The following TOGARAM2 variants were observed in gnomAD, a reference collection of about 807,000 sequenced individuals.
The protein encoded by TOGARAM2 is TOG array regulator of axonemal microtubules protein 2.
In TOGARAM2, 85 loss-of-function variants were observed where a neutral mutation model predicts 93.3. The ratio of observed to expected loss-of-function variants is 0.91; its 90% CI spans 0.76 to 1.09. TOGARAM2 has a LOEUF of 1.09. Among genes scored for constraint, TOGARAM2 ranks in the 50% least tolerant of loss-of-function variants. The probability of loss-of-function intolerance (pLI) is 0.00; values close to 1 mark genes in which losing one functional copy is unlikely to be tolerated. For synonymous variants in TOGARAM2, 593 were observed against 552.8 expected (o/e 1.07, Z -1.02); for missense variants, 1,277 against 1,334.5 (o/e 0.96, Z 0.67).
At chr2:29,029,410 G>A (rs983781226) in intron 14 of TOGARAM2, among the ~76,000 whole-genome samples, 3 of 152,272 alleles carry the variant, frequency 2.0e-5, no homozygotes, top group South Asian at 2.1e-4. Flanking sequence ...ACCAAACATC[G>A]TATGTTGTCA....
chr2:28,979,432 A>T (rs777355910), upstream of TOGARAM2, among the ~76,000 whole-genome samples: 1 of 152,158 alleles, frequency 6.6e-6, no homozygotes, highest in Non-Finnish European at 1.5e-5. Flanking sequence ...CTTGCCTAAG[A>T]TGTCATTGCT....
intron 6 of TOGARAM2, among the ~76,000 whole-genome samples, chr2:29,007,748 A>T (rs1401972396): frequency 1.3e-5 from 2 of 152,082 alleles, no homozygotes; most frequent in Non-Finnish European, 2.9e-5. Context: ...CCTGACAATC[A>T]GGGTCCATCC....
At position 29,014,410 on chromosome 2, in the gene TOGARAM2, C is replaced by G; in HGVS notation, c.893C>G (p.Ala298Gly). The G allele has an allele frequency of 2.5e-6, 4 of 1,610,406 alleles. No individual in the cohort carries two copies. Among genetic ancestry groups the G allele is most frequent in the Non-Finnish European group, 3.4e-6 (4 of 1,178,716 alleles). ...TPASLEPKPL[A>G]SPIRDRPAAA... is the part of the protein sequence containing the mutation. ...AACCCCTCAGAGCCAAAACCTTTGG[C>G]CTCACCCATCAGAGACAGGCCTGCC... is the stretch of plus-strand genomic sequence containing the variant. Residue 298 changes from alanine (A) to glycine (G), a missense_variant, in exon 8 of 20, where the codon GCC becomes GGC. Transcript: ENST00000379558.
rs371959920 is a variant in TOGARAM2, at chr2:28,991,804, C to G, written c.-110-2921C>G. 5.6e-4 allele frequency among the ~76,000 whole-genome samples: 85 copies of G among 152,330 alleles called. No homozygotes were observed. In the South Asian group the frequency reaches 0.017, roughly 30 times the overall value. On this transcript the variant is annotated intron_variant, in intron 1 of 19. Coordinates refer to ENST00000379558, the MANE Select transcript of TOGARAM2 (RefSeq NM_199280.4). ...TTGACACTTGAGTCCCCTGTGTCAC[C>G]TTTCTTCATTCCTATGGCCCCGGTC...
chr2:29,009,739 G>A (rs1664109386), intron 6 of TOGARAM2, among the ~76,000 whole-genome samples: 1 of 152,118 alleles, frequency 6.6e-6, no homozygotes, highest in Admixed American at 6.5e-5. Context: ...GGTTGGAGCC[G>A]GGAGGGGCTC....
At chr2:29,012,290 G>A (rs1664303087) in intron 7 of TOGARAM2, among the ~76,000 whole-genome samples, 1 of 152,174 alleles carries the variant, frequency 6.6e-6, no homozygotes, top group African/African-American at 2.4e-5. Context: ...TTCCTGGCAG[G>A]TCACTCTGCT....
Position 28,999,391 on chromosome 2 carries a change from T to C in TOGARAM2, c.350T>C (p.Val117Ala), listed in dbSNP as rs768691580. Reference protein sequence around the residue: ...LPSPESEANSVARDTIQIKDK... With the variant: ...LPSPESEANSAARDTIQIKDK... The stretch of plus-strand genomic sequence containing the variant: ...TCTCCGGAGTCAGAGGCCAACAGCG[T>C]GGCCAGGGACACCATCCAGATTAAG... The change falls in exon 4 of 20, where the codon GTG becomes GCG. Residue 117 changes from valine to alanine, a missense_variant. Coordinates refer to ENST00000379558, the MANE Select transcript of TOGARAM2 (RefSeq NM_199280.4). 3.1e-6 allele frequency: 5 copies of C among 1,613,386 alleles called. No individual in the cohort carries two copies. The South Asian group carries it at 5.5e-5, about 18-fold the overall frequency.
At chr2:29,000,559 G>A (rs1167494914) in intron 4 of TOGARAM2, among the ~76,000 whole-genome samples, 1 of 152,068 alleles carries the variant, frequency 6.6e-6, no homozygotes, top group Non-Finnish European at 1.5e-5. Flanking sequence ...GAATCATACG[G>A]GCTCTTTTCA....
At chr2:28,988,955 C>G (rs997549541) in intron 1 of TOGARAM2, among the ~76,000 whole-genome samples, 1 of 152,224 alleles carries the variant, frequency 6.6e-6, no homozygotes, top group African/African-American at 2.4e-5. Flanking sequence ...CTTGATCAGA[C>G]CCCCTTAGGG....
chr2:28,983,196 A>T (rs1299759332), intron 1 of TOGARAM2, among the ~76,000 whole-genome samples: 4 of 48,164 alleles, frequency 8.3e-5, no homozygotes, highest in African/African-American at 2.0e-4. Context: ...ATATATATAT[A>T]TATTTTTTTT....
At chr2:28,989,403 C>CT (rs11415368) in intron 1 of TOGARAM2, among the ~76,000 whole-genome samples, 123,553 of 149,474 alleles carry the variant, frequency 0.83, 51,194 homozygotes, top group Middle Eastern at 0.87. Flanking sequence ...GCATTATCTC[C>CT]TTTTTTTTTC....
intron 6 of TOGARAM2, among the ~76,000 whole-genome samples, chr2:29,004,732 G>A (rs1381422107): frequency 1.2e-5 from 1 of 81,482 alleles, no homozygotes; most frequent in Non-Finnish European, 2.7e-5. Flanking sequence ...ATATGTGTGA[G>A]TGCATGCATG....
intron 6 of TOGARAM2, among the ~76,000 whole-genome samples, chr2:29,008,961 A>AG (rs371964748): frequency 9.9e-5 from 15 of 152,210 alleles, no homozygotes; most frequent in East Asian, 3.9e-4. Context: ...TAGCCAATGG[A>AG]GGGGATGGAG....
chr2:29,004,973 CATGTGTGT>C (rs1410028764), intron 6 of TOGARAM2, among the ~76,000 whole-genome samples: 25 of 102,942 alleles, frequency 2.4e-4, no homozygotes, highest in South Asian at 1.3e-3. Flanking sequence ...TGTGTGAGTG[CATGTGTGT>C]ATGTGTGTGA....
intron 1 of TOGARAM2, among the ~76,000 whole-genome samples, chr2:28,964,442 T>C (rs1572615546): frequency 6.6e-6 from 1 of 151,916 alleles, no homozygotes; most frequent in East Asian, 1.9e-4. Flanking sequence ...AGTGTTTTTC[T>C]TGTAAATAGC....
chr2:29,017,797 C>T lies in TOGARAM2; in HGVS notation c.1201C>T (p.Leu401Phe), dbSNP rs2148336085. The T allele has an allele frequency of 1.2e-6, 2 of 1,608,178 alleles. No individual in the cohort carries two copies. Among genetic ancestry groups the T allele is most frequent in the East Asian group, 2.2e-5 (1 of 44,552 alleles). Residue 401 changes from leucine to phenylalanine, a missense_variant, in exon 10 of 20, where the codon CTT becomes TTT. Coordinates refer to ENST00000379558, the MANE Select transcript of TOGARAM2 (RefSeq NM_199280.4). ...GACTTTCTCTGTGTCCACAGGCCTC[C>T]TTCCCCTCCGGGGCAGCGGGACACT... is the stretch of plus-strand genomic sequence containing the variant. ...SQRAFMKEGL[L>F]PLRGSGTLSV...
At chr2:28,993,028 C>CT (rs1383951503) in intron 1 of TOGARAM2, among the ~76,000 whole-genome samples, 2 of 149,156 alleles carry the variant, frequency 1.3e-5, no homozygotes, top group African/African-American at 2.5e-5. Context: ...CCACTGCACT[C>CT]CAGCCTGGGT....
At chr2:28,984,243 GA>G (rs1038319001) in intron 1 of TOGARAM2, among the ~76,000 whole-genome samples, 2 of 150,922 alleles carry the variant, frequency 1.3e-5, no homozygotes, top group Non-Finnish European at 3.0e-5. Flanking sequence ...AACAAAGACA[GA>G]AAAAAAAATG....
At position 29,026,752 on chromosome 2, in the gene TOGARAM2, G is replaced by A. The variant is rs1193904391; in HGVS notation, c.1854-101G>A. 4 of 1,268,868 alleles carry A rather than the reference G, an allele frequency of 3.2e-6. No homozygotes were observed. In the South Asian group the frequency reaches 6.3e-5, roughly 20 times the overall value. 78.6% of individuals were successfully genotyped at this position (1,268,868 alleles called of 1,614,324 possible). On this transcript the variant is annotated intron_variant, in intron 13 of 19. Transcript: ENST00000379558. ...CAGGTATTTTTGGAGCCCCTGGCTG[G>A]CATGAAGCATGGGTCTGCAATGGTA...
Sources: gnomAD v4.1 joint callset for allele counts (sites outside exome capture counted in the v4.1 genomes callset) on GRCh38, gnomAD v4.1.1 for gene constraint, MANE v1.5 for transcripts, NCBI Gene and HGNC (gene_info 2026-07-23, HGNC 2026-07-21) for gene names.